The following DHRS7C variants were observed in gnomAD, a reference collection of about 807,000 sequenced individuals.
DHRS7C encodes dehydrogenase/reductase SDR family member 7C.
In DHRS7C, 28 loss-of-function variants were observed where a neutral mutation model predicts 29.6. That is an observed-to-expected ratio of 0.95 (90% CI 0.70 to 1.30). DHRS7C has a LOEUF of 1.30. DHRS7C is among the 50% of genes most tolerant of loss of function. The pLI, the probability that DHRS7C is intolerant of heterozygous loss-of-function variation, is 0.00. For synonymous variants in DHRS7C, 158 were observed against 160.2 expected (o/e 0.99, Z 0.10); for missense variants, 403 against 393.3 (o/e 1.02, Z -0.21).
At chr17:9,776,637 G>T (rs923924529) in intron 4 of DHRS7C, among the ~76,000 whole-genome samples, 7 of 152,102 alleles carry the variant, frequency 4.6e-5, no homozygotes, top group Non-Finnish European at 8.8e-5. Context: ...TTTCCAGCTA[G>T]ATCCCAGGAA....
rs759989318 is a variant in DHRS7C, at chr17:9,771,577, C to T, written c.847G>A (p.Val283Met). ...TCCGGGAAGAAGGTGCGGACGTACA[C>T]GGCGGCCTTGGGGATGGGGTTGGCC... Reference protein sequence around the residue: ...FMANPIPKAAVYVRTFFPEFF... With the variant: ...FMANPIPKAAMYVRTFFPEFF... Residue 283 changes from valine (V) to methionine (M), a missense_variant, in exon 6 of 6, where the codon GTG becomes ATG. Coordinates refer to ENST00000571134, the MANE Select transcript of DHRS7C (RefSeq NM_001105571.3). The T allele has an allele frequency of 9.4e-6, 15 of 1,594,790 alleles. No homozygotes were observed. The East Asian group carries it at 2.5e-4, about 27-fold the overall frequency.
chr17:9,771,724 T>C, intron 5 of DHRS7C, 28 bp from the exon 6 acceptor site: 1 of 1,410,186 alleles, frequency 7.1e-7, no homozygotes, highest in Non-Finnish European at 9.3e-7. Context: ...GGGGCGGGGG[T>C]TATGACCTCC....
chr17:9,788,195 T>G (rs899057502), intron 1 of DHRS7C, among the ~76,000 whole-genome samples: 7 of 152,198 alleles, frequency 4.6e-5, no homozygotes, highest in African/African-American at 1.7e-4. Context: ...GCCATTCTTT[T>G]TTTAAAATAA....
chr17:9,779,985 G>A lies in DHRS7C; in HGVS notation c.318C>T (p.Val106=). The A allele has an allele frequency of 1.2e-6, 2 of 1,613,904 alleles. No individual in the cohort carries two copies. The highest frequency in any genetic ancestry group is 2.2e-5 in the East Asian group (1 of 44,882). ...CCAGGACTTCTTTTGCCACATCTGGGACACAGCTGATGTCTGAGAGGTCCA... is the reference window on the plus strand; with the variant it reads ...CCAGGACTTCTTTTGCCACATCTGGAACACAGCTGATGTCTGAGAGGTCCA... ...VLLDLSDISC[V]PDVAKEVLDC... is the part of the protein sequence containing the mutation. Residue 106 remains valine, a synonymous_variant, in exon 3 of 6, where the codon GTC becomes GTT. Coordinates refer to ENST00000571134, the MANE Select transcript of DHRS7C (RefSeq NM_001105571.3).
intron 1 of DHRS7C, among the ~76,000 whole-genome samples, chr17:9,782,087 C>T (rs1271234741): frequency 6.6e-6 from 1 of 152,154 alleles, no homozygotes; most frequent in Non-Finnish European, 1.5e-5. Context: ...GGACTGATTC[C>T]TGACTCACCC....
rs76619383 is a variant in DHRS7C at position 9,777,399 on chromosome 17, A to G, written c.479-114T>C. On this transcript the variant is annotated intron_variant, in intron 3 of 5. Coordinates refer to ENST00000571134, the MANE Select transcript of DHRS7C (RefSeq NM_001105571.3). ...CACAGGGCTCCGCTACCTCCGCGGT[A>G]ACTAGATTGCAGCAGGGCAGAGGTG... 2.1e-3 allele frequency: 1,471 copies of G among 706,072 alleles called. 22 individuals are homozygous for G. In the African/African-American group the frequency reaches 0.023, roughly 11 times the overall value. 43.7% of individuals were successfully genotyped at this position (706,072 alleles called of 1,614,324 possible).
At position 9,772,807 on chromosome 17, in the gene DHRS7C, C is replaced by T. The variant is rs182611179; in HGVS notation, c.687G>A (p.Val229=). 1.9e-4 allele frequency: 304 copies of T among 1,613,990 alleles called. 1 individual carries two copies. The African/African-American group carries it at 3.7e-3, about 20-fold the overall frequency. The change falls in exon 5 of 6, where the codon GTG becomes GTA. Residue 229 remains valine, a synonymous_variant. Transcript: ENST00000571134. ...CTTCCCAGTTTCCTTGCTCTGGATA[C>T]ACGTGGTACGACCGGATGAAAGTCG... ...VSPTFIRSYH[V]YPEQGNWEAS...
At chr17:9,787,810 C>T (rs557300272) in intron 1 of DHRS7C, among the ~76,000 whole-genome samples, 3 of 152,206 alleles carry the variant, frequency 2.0e-5, no homozygotes, top group East Asian at 1.9e-4. Context: ...CGGGCTCAAA[C>T]GATCCTCCCA....
chr17:9,777,397 G>A (rs947717324), intron 3 of DHRS7C, 112 bp from the exon 4 acceptor site: 6 of 716,216 alleles, frequency 8.4e-6, no homozygotes, highest in African/African-American at 1.8e-5. Flanking sequence ...TACCTCCGCG[G>A]TAACTAGATT....
chr17:9,790,387 G>A (rs1053884478), intron 1 of DHRS7C, among the ~76,000 whole-genome samples: 1 of 152,178 alleles, frequency 6.6e-6, no homozygotes, highest in Non-Finnish European at 1.5e-5. Context: ...GGACAATTAC[G>A]GCCCCTCATG....
intron 4 of DHRS7C, among the ~76,000 whole-genome samples, chr17:9,776,373 C>A (rs2066362656): frequency 6.6e-6 from 1 of 152,166 alleles, no homozygotes. Flanking sequence ...TCATGGACTT[C>A]CAGCCTCCAG....
chr17:9,785,440 C>T (rs2066417886), intron 1 of DHRS7C, among the ~76,000 whole-genome samples: 1 of 152,224 alleles, frequency 6.6e-6, no homozygotes, highest in African/African-American at 2.4e-5. Context: ...GGGACCTCTT[C>T]ATTGGGGGTG....
At chr17:9,788,003 C>T (rs982972734) in intron 1 of DHRS7C, among the ~76,000 whole-genome samples, 2 of 151,566 alleles carry the variant, frequency 1.3e-5, no homozygotes, top group Non-Finnish European at 2.9e-5. Context: ...TGAGCCACAG[C>T]GACATTTTAA....
rs749659501 is a variant in DHRS7C, at chr17:9,772,953, A to G, written c.572-31T>C. ...AGACAAACCATCCGGAGGTGGGCGC[A>G]GGACACTCCCGGCCCTGCTTCCTGG... On this transcript the variant is annotated intron_variant, in intron 4 of 5. Transcript: ENST00000571134. 10 of 1,610,334 alleles carry G rather than the reference A, an allele frequency of 6.2e-6. No individual in the cohort carries two copies. In the South Asian group the frequency reaches 9.9e-5, roughly 16 times the overall value.
At chr17:9,779,129 C>T (rs866963588) in intron 3 of DHRS7C, among the ~76,000 whole-genome samples, 5 of 152,204 alleles carry the variant, frequency 3.3e-5, no homozygotes, top group South Asian at 2.1e-4. Context: ...AGGCTGGTCT[C>T]GAATTCCTGA....
intron 4 of DHRS7C, among the ~76,000 whole-genome samples, chr17:9,773,133 T>C (rs2066341437): frequency 1.3e-5 from 2 of 152,256 alleles, no homozygotes; most frequent in Non-Finnish European, 1.5e-5. Flanking sequence ...GCTTAGCCAC[T>C]TGCTGGTGGT....
Position 9,773,719 on chromosome 17 carries a change from C to CTTTTT in DHRS7C, c.572-802_572-798dup, listed in dbSNP as rs757682123. On this transcript the variant is annotated intron_variant, in intron 4 of 5. Transcript: ENST00000571134. Reference sequence around the variant, plus strand: ...AGCTTCTAGTTCTCTGCAATGAGGCCTTTTTTTTTTTTTTTTTTTTTTTGA... The same window carrying CTTTTT: ...AGCTTCTAGTTCTCTGCAATGAGGCCTTTTTTTTTTTTTTTTTTTTTTTTTTTTGA... 1.6e-3 allele frequency among the ~76,000 whole-genome samples: 137 copies of CTTTTT among 85,988 alleles called. 3 individuals are homozygous for CTTTTT. The highest frequency in any genetic ancestry group is 4.3e-3 in the African/African-American group (76 of 17,472). 56.4% of individuals were successfully genotyped at this position (85,988 alleles called of 152,430 possible).
At position 9,774,154 on chromosome 17, in the gene DHRS7C, C is replaced by G. The variant is rs143367210; in HGVS notation, c.572-1232G>C. On this transcript the variant is annotated intron_variant, in intron 4 of 5. Transcript: ENST00000571134. This position sits in a 1 kb window ranked among gnomAD's most constrained non-coding sequence, Gnocchi z 5.0. ...CTCCTTGATTCCTTCAGTCATTCAACAGTGAAGTCCCTGCTCTGGTGGGTG... is the reference window on the plus strand; with the variant it reads ...CTCCTTGATTCCTTCAGTCATTCAAGAGTGAAGTCCCTGCTCTGGTGGGTG... Among the ~76,000 whole-genome samples, 9 of 152,348 alleles carry G rather than the reference C, an allele frequency of 5.9e-5. No homozygotes were observed. The highest frequency in any genetic ancestry group is 1.9e-4 in the African/African-American group (8 of 41,582).
intron 3 of DHRS7C, among the ~76,000 whole-genome samples, chr17:9,777,880 T>A (rs887739833): frequency 6.6e-6 from 1 of 152,212 alleles, no homozygotes; most frequent in African/African-American, 2.4e-5. Flanking sequence ...TTTCAGGTTG[T>A]CCTTTATTTA....
Sources: gnomAD v4.1 joint callset for allele counts (sites outside exome capture counted in the v4.1 genomes callset) on GRCh38, gnomAD v4.1.1 for gene constraint, Gnocchi (gnomAD v3.1) non-coding constraint, MANE v1.5 for transcripts, NCBI Gene and HGNC (gene_info 2026-07-23, HGNC 2026-07-21) for gene names.